The following CAMTA1 variants were observed in gnomAD, a reference collection of about 807,000 sequenced individuals.
CAMTA1 encodes the protein calmodulin-binding transcription activator 1.
A neutral mutation model predicts 170.9 loss-of-function variants in CAMTA1; 27 were observed. That is an observed-to-expected ratio of 0.16 (90% CI 0.12 to 0.22). The LOEUF is 0.22. Ranked by LOEUF, CAMTA1 falls within the 10% of genes least tolerant of loss-of-function variation. The pLI, the probability that CAMTA1 is intolerant of heterozygous loss-of-function variation, is 1.00. For missense variants in CAMTA1, 1,619 were observed against 2,217.2 expected (o/e 0.73, Z 5.42); for synonymous variants, 833 against 891.5 (o/e 0.93, Z 1.17).
At chr1:6,883,406 A>G (rs535609056) in intron 3 of CAMTA1, among the ~76,000 whole-genome samples, 1 of 152,286 alleles carries the variant, frequency 6.6e-6, no homozygotes, top group South Asian at 2.1e-4. Flanking sequence ...GGTGCTCTGA[A>G]GGAATTCTGC....
chr1:7,344,529 A>G (rs1401167267), intron 5 of CAMTA1, among the ~76,000 whole-genome samples: 4 of 152,140 alleles, frequency 2.6e-5, no homozygotes, highest in Non-Finnish European at 5.9e-5. Flanking sequence ...GTTGTTTTCC[A>G]AAGTGATGGC....
intron 5 of CAMTA1, among the ~76,000 whole-genome samples, chr1:7,269,032 G>A (rs992012612): frequency 6.6e-6 from 1 of 152,186 alleles, no homozygotes; most frequent in Non-Finnish European, 1.5e-5. Flanking sequence ...CTATTGATAT[G>A]TAACAAATAA....
At chr1:7,658,429 A>G (rs529511724) in intron 7 of CAMTA1, among the ~76,000 whole-genome samples, 1 of 152,092 alleles carries the variant, frequency 6.6e-6, no homozygotes, top group South Asian at 2.1e-4. Context: ...ACCTGGCACC[A>G]CCCCAGACCA....
At chr1:7,507,152 ACACT>A (rs923147707) in intron 6 of CAMTA1, among the ~76,000 whole-genome samples, 1 of 150,394 alleles carries the variant, frequency 6.6e-6, no homozygotes, top group Non-Finnish European at 1.5e-5. Flanking sequence ...ACTCACTCCC[ACACT>A]CACACAACAC....
chr1:6,926,428 TCTTTCTTTTC>T (rs1683130460), intron 3 of CAMTA1, among the ~76,000 whole-genome samples: 1 of 144,272 alleles, frequency 6.9e-6, no homozygotes, highest in African/African-American at 2.6e-5. Context: ...CTTTTCTCTT[TCTTTCTTTTC>T]TCTTTCTTTC....
intron 6 of CAMTA1, among the ~76,000 whole-genome samples, chr1:7,636,143 G>A (rs887515330): frequency 6.6e-6 from 1 of 152,192 alleles, no homozygotes; most frequent in Admixed American, 6.5e-5. Context: ...GGAGGCTCCC[G>A]GGAAGGGACC....
intron 7 of CAMTA1, among the ~76,000 whole-genome samples, chr1:7,652,369 G>T (rs1259762500): frequency 1.3e-5 from 2 of 151,978 alleles, no homozygotes; most frequent in Non-Finnish European, 2.9e-5. Context: ...CTGCCTCCCA[G>T]TTCCTCCCGT....
intron 5 of CAMTA1, among the ~76,000 whole-genome samples, chr1:7,321,088 G>T (rs1678348884): frequency 6.6e-6 from 1 of 152,212 alleles, no homozygotes; most frequent in Admixed American, 6.5e-5. Context: ...CTGCGGAATT[G>T]CAGGGTCCTT....
chr1:7,640,307 C>A, intron 6 of CAMTA1, 93 bp from the exon 7 acceptor site: 1 of 1,410,916 alleles, frequency 7.1e-7, no homozygotes. Context: ...TCTGGGGCCT[C>A]AGTCTCTGCC....
chr1:7,177,844 C>T (rs1651256222), intron 4 of CAMTA1, among the ~76,000 whole-genome samples: 1 of 151,952 alleles, frequency 6.6e-6, no homozygotes, highest in African/African-American at 2.4e-5. Context: ...GAGGCTCCTC[C>T]CACACATTGA....
At chr1:6,881,552 G>T (rs1329560074) in intron 3 of CAMTA1, among the ~76,000 whole-genome samples, 2 of 152,198 alleles carry the variant, frequency 1.3e-5, no homozygotes, top group South Asian at 4.1e-4. Context: ...GGGCACGGGA[G>T]GGGAGGAGCC....
chr1:6,992,441 T>C (rs1303372518), intron 3 of CAMTA1, among the ~76,000 whole-genome samples: 2 of 152,240 alleles, frequency 1.3e-5, no homozygotes, highest in Admixed American at 1.3e-4. Flanking sequence ...CTTTGCTTAT[T>C]GTGAAGATAT....
At chr1:7,409,445 G>A (rs1385383087) in intron 5 of CAMTA1, among the ~76,000 whole-genome samples, 1 of 152,202 alleles carries the variant, frequency 6.6e-6, no homozygotes, top group Admixed American at 6.5e-5. Context: ...CCTACAGGCT[G>A]GTCGAGAGCC....
intron 5 of CAMTA1, among the ~76,000 whole-genome samples, chr1:7,309,525 T>C (rs928152414): frequency 2.6e-5 from 4 of 151,744 alleles, no homozygotes; most frequent in African/African-American, 9.7e-5. Flanking sequence ...GGTCTCGATC[T>C]CCTGACCTCG....
At chr1:7,167,621 T>A (rs1294909512) in intron 4 of CAMTA1, among the ~76,000 whole-genome samples, 2 of 152,300 alleles carry the variant, frequency 1.3e-5, no homozygotes, top group African/African-American at 4.8e-5. Context: ...TTACGGAAGA[T>A]AATCTTGTCA....
At chr1:7,632,876 G>A (rs1021079225) in intron 6 of CAMTA1, among the ~76,000 whole-genome samples, 4 of 152,204 alleles carry the variant, frequency 2.6e-5, no homozygotes, top group Non-Finnish European at 4.4e-5. Context: ...CTCAGCATGC[G>A]GGAGGTGCAG....
intron 7 of CAMTA1, among the ~76,000 whole-genome samples, chr1:7,652,947 A>G (rs1384203409): frequency 6.6e-6 from 1 of 152,206 alleles, no homozygotes; most frequent in Admixed American, 6.5e-5. Context: ...CGGTTTTGGC[A>G]TTAATAAAAT....
At chr1:7,539,813 C>T (rs907387637) in intron 6 of CAMTA1, among the ~76,000 whole-genome samples, 1 of 152,242 alleles carries the variant, frequency 6.6e-6, no homozygotes, top group African/African-American at 2.4e-5. Flanking sequence ...CCTGCAGAGA[C>T]AGCATGAGAA....
At chr1:7,475,940 A>G (rs962647743) in intron 6 of CAMTA1, among the ~76,000 whole-genome samples, 1 of 152,194 alleles carries the variant, frequency 6.6e-6, no homozygotes, top group African/African-American at 2.4e-5. Context: ...GTGAGCAGAG[A>G]TGAGAAGGAA....
Sources: allele counts gnomAD v4.1 joint callset (sites outside exome capture counted in the v4.1 genomes callset), GRCh38; gene constraint gnomAD v4.1.1; transcripts MANE v1.5; gene names NCBI Gene and HGNC (gene_info 2026-07-23, HGNC 2026-07-21).